PDE4D: variants seen among roughly 807,000 people sequenced by gnomAD.
The protein encoded by PDE4D is phosphodiesterase 4D.
In PDE4D, 24 loss-of-function variants were observed where a neutral mutation model predicts 87.4. That is an observed-to-expected ratio of 0.27 (90% CI 0.20 to 0.39). PDE4D has a LOEUF of 0.39. Ranked by LOEUF, PDE4D falls within the 10% of genes least tolerant of loss-of-function variation. PDE4D has a pLI of 1.00. For missense variants in PDE4D, 714 were observed against 1,041.0 expected, an observed-to-expected ratio of 0.69 and a Z score of 4.32; for synonymous variants, 384 against 383.2, an observed-to-expected ratio of 1.00 and a Z score of -0.02.
At chr5:59,706,374 T>C (rs1201638833) in intron 1 of PDE4D, among the ~76,000 whole-genome samples, 1 of 152,118 alleles carries the variant, frequency 6.6e-6, no homozygotes, top group Non-Finnish European at 1.5e-5. Context: ...CAAGACCTTT[T>C]CAGCCACTAG....
chr5:60,391,002 C>G (rs1762525503), intron 1 of PDE4D, among the ~76,000 whole-genome samples: 1 of 152,196 alleles, frequency 6.6e-6, no homozygotes, highest in African/African-American at 2.4e-5. Flanking sequence ...TTCACACACA[C>G]ACACTGCTTC....
intron 1 of PDE4D, among the ~76,000 whole-genome samples, chr5:59,800,584 T>C (rs1290749711): frequency 2.6e-5 from 4 of 152,036 alleles, no homozygotes; most frequent in African/African-American, 9.7e-5. Flanking sequence ...ATACAATCAG[T>C]ATGAGGACTT....
intron 5 of PDE4D, among the ~76,000 whole-genome samples, chr5:59,071,426 A>AT (rs1164871966): frequency 6.6e-6 from 1 of 150,426 alleles, no homozygotes; most frequent in Non-Finnish European, 1.5e-5. Context: ...ACCTTTTTGT[A>AT]TTTTTGCTCC....
intron 1 of PDE4D, among the ~76,000 whole-genome samples, chr5:60,315,051 G>A (rs1755427409): frequency 6.6e-6 from 1 of 152,172 alleles, no homozygotes; most frequent in Non-Finnish European, 1.5e-5. Context: ...GATCCCTGAG[G>A]AATCACCACA....
At chr5:59,028,995 A>G (rs1309335957) in intron 6 of PDE4D, among the ~76,000 whole-genome samples, 1 of 152,214 alleles carries the variant, frequency 6.6e-6, no homozygotes, top group Non-Finnish European at 1.5e-5. Flanking sequence ...ATTACTTAAG[A>G]TGAGGCACTT....
chr5:60,439,005 T>A (rs985344471), intron 1 of PDE4D, among the ~76,000 whole-genome samples: 1 of 152,084 alleles, frequency 6.6e-6, no homozygotes, highest in Non-Finnish European at 1.5e-5. Flanking sequence ...TAGGAAAAGG[T>A]TGAGACAACC....
In PDE4D at chr5:59,341,888, GCTGA is replaced by G. The variant is rs1181128631; in HGVS notation, c.456-125924_456-125921del. ...TTGTGAATAACGCTAGCTGATGTGA[GCTGA>G]CTGTTTACTCTATGCCAGGCGCTAG... On this transcript the variant is annotated intron_variant, in intron 1 of 14. Coordinates refer to ENST00000340635, the MANE Select transcript of PDE4D (RefSeq NM_001104631.2). Among the ~76,000 whole-genome samples, 16 of 152,254 alleles carry G rather than the reference GCTGA, an allele frequency of 1.1e-4. No individual in the cohort carries two copies. The South Asian group carries it at 2.9e-3, about 28-fold the overall frequency.
chr5:59,893,515 C>T lies in PDE4D; in HGVS notation c.108G>A (p.Glu36=), dbSNP rs1321270527. 3 of 1,541,752 alleles carry T rather than the reference C, an allele frequency of 1.9e-6. No individual in the cohort carries two copies. The highest frequency in any genetic ancestry group is 2.4e-5 in the South Asian group (2 of 82,892). Reference sequence around the variant, plus strand: ...GCCGGAGCGGGTACTGGTGGTGCTGCTCGTGCCTCCAGAGATGCTTGGGGG... The same window carrying T: ...GCCGGAGCGGGTACTGGTGGTGCTGTTCGTGCCTCCAGAGATGCTTGGGGG... ...LKAPKHLWRH[E]QHHQYPLRQP... Residue 36 remains glutamate, a synonymous_variant, in exon 1 of 15, where the codon GAG becomes GAA. Coordinates refer to ENST00000340635, the MANE Select transcript of PDE4D (RefSeq NM_001104631.2).
chr5:59,578,930 C>G lies in PDE4D; in HGVS notation c.455+314238G>C, dbSNP rs140365583. On this transcript the variant is annotated intron_variant, in intron 1 of 14. Coordinates refer to ENST00000340635, the MANE Select transcript of PDE4D (RefSeq NM_001104631.2). ...ACTAGCTACTGTGTTTTTCTCCTCT[C>G]CTTCTCCTCTTTCCTCCTCTTCTTC... 5.9e-3 allele frequency among the ~76,000 whole-genome samples: 904 copies of G among 152,142 alleles called. 7 individuals carry two copies. Among genetic ancestry groups the G allele is most frequent in the Admixed American group, 0.023 (344 of 15,260 alleles).
At chr5:60,355,123 A>G (rs890970688) in intron 1 of PDE4D, among the ~76,000 whole-genome samples, 1 of 152,208 alleles carries the variant, frequency 6.6e-6, no homozygotes, top group Non-Finnish European at 1.5e-5. Context: ...ACAGAAACAC[A>G]CAAGATCAAG....
intron 1 of PDE4D, among the ~76,000 whole-genome samples, chr5:59,653,391 A>T (rs1042651609): frequency 1.3e-5 from 2 of 151,974 alleles, no homozygotes; most frequent in African/African-American, 2.4e-5. Flanking sequence ...TTTAGTAGAG[A>T]TGGGGTTTCG....
intron 1 of PDE4D, among the ~76,000 whole-genome samples, chr5:59,252,390 T>G (rs1309533711): frequency 6.6e-6 from 1 of 152,130 alleles, no homozygotes; most frequent in Non-Finnish European, 1.5e-5. Context: ...TCTGCAACAG[T>G]GTGCAGGTGA....
chr5:59,617,182 G>A (rs926179831), intron 1 of PDE4D, among the ~76,000 whole-genome samples: 59 of 151,824 alleles, frequency 3.9e-4, no homozygotes, highest in Non-Finnish European at 8.8e-5. Context: ...ATTAGGCAAA[G>A]AGAGGGTGCT....
intron 3 of PDE4D, among the ~76,000 whole-genome samples, chr5:59,958,236 T>C (rs1026897863): frequency 3.3e-5 from 5 of 152,200 alleles, no homozygotes; most frequent in Admixed American, 6.6e-5. Flanking sequence ...AACTTTGATA[T>C]TATTAGATTT....
chr5:59,625,566 A>T (rs944327196), intron 1 of PDE4D, among the ~76,000 whole-genome samples: 3 of 152,110 alleles, frequency 2.0e-5, no homozygotes, highest in Non-Finnish European at 4.4e-5. Flanking sequence ...ACTCAACAAT[A>T]AAAAAAGACT....
chr5:59,370,061 A>C (rs905861540), intron 1 of PDE4D, among the ~76,000 whole-genome samples: 23 of 152,154 alleles, frequency 1.5e-4, no homozygotes, highest in Non-Finnish European at 2.9e-4. Flanking sequence ...TGGTTTCAAA[A>C]CATTGCCAGA....
At chr5:60,037,830 A>G (rs765044836) in intron 2 of PDE4D, among the ~76,000 whole-genome samples, 2 of 152,154 alleles carry the variant, frequency 1.3e-5, no homozygotes, top group Non-Finnish European at 1.5e-5. Context: ...TTTTAAAGTG[A>G]TTTCCTAAGC....
chr5:60,092,632 T>TAA (rs58114633), intron 2 of PDE4D, among the ~76,000 whole-genome samples: 1 of 141,444 alleles, frequency 7.1e-6, no homozygotes. Flanking sequence ...TTCTGCACGC[T>TAA]AAAAAAAAAA....
At chr5:59,774,487 A>G (rs545179818) in intron 1 of PDE4D, among the ~76,000 whole-genome samples, 1 of 152,266 alleles carries the variant, frequency 6.6e-6, no homozygotes, top group East Asian at 1.9e-4. Context: ...CATGACAGCT[A>G]TATTTTGAGC....
Sources: allele counts gnomAD v4.1 joint callset (sites outside exome capture counted in the v4.1 genomes callset), GRCh38; gene constraint gnomAD v4.1.1; transcripts MANE v1.5; gene names NCBI Gene and HGNC (gene_info 2026-07-23, HGNC 2026-07-21).